Variants in SLC25A21 observed in about 807,000 individuals in gnomAD.
SLC25A21 encodes the protein mitochondrial 2-oxodicarboxylate carrier.
SLC25A21 carries 47 observed loss-of-function variants against 43.8 expected under a neutral mutation model. That is an observed-to-expected ratio of 1.07 (90% confidence interval 0.85 to 1.37). The LOEUF (loss-of-function observed/expected upper bound fraction) is 1.37, where lower values mean the gene tolerates loss of function less well. SLC25A21 is among the 40% of genes most tolerant of loss of function. The probability of loss-of-function intolerance (pLI) is 0.00; values close to 1 mark genes in which losing one functional copy is unlikely to be tolerated. For synonymous variants in SLC25A21, 131 were observed against 121.3 expected (o/e 1.08, Z -0.52); for missense variants, 352 against 350.2 (o/e 1.00, Z -0.04).
intron 3 of SLC25A21, among the ~76,000 whole-genome samples, chr14:36,769,828 T>G (rs141177266): frequency 1.3e-3 from 193 of 152,348 alleles, no homozygotes; most frequent in African/African-American, 4.5e-3. Context: ...TTTACATTTC[T>G]TTAATTAAGA....
intron 1 of SLC25A21, among the ~76,000 whole-genome samples, chr14:37,018,983 C>T (rs10140136): frequency 9.2e-5 from 14 of 151,768 alleles, no homozygotes; most frequent in South Asian, 4.1e-4. Flanking sequence ...ACAGTTTGAA[C>T]GTTATGTCTT....
At chr14:36,714,778 C>A (rs904478203) in intron 6 of SLC25A21, among the ~76,000 whole-genome samples, 2 of 152,168 alleles carry the variant, frequency 1.3e-5, no homozygotes, top group Non-Finnish European at 2.9e-5. Flanking sequence ...CCCTATTTGG[C>A]AGATAAGGAA....
chr14:37,046,073 A>G (rs7142225), intron 1 of SLC25A21, among the ~76,000 whole-genome samples: 73,672 of 152,110 alleles, frequency 0.48, 20,821 homozygotes, highest in African/African-American at 0.8. Context: ...TCCTCATTTT[A>G]CAAATAAGGC....
At chr14:36,920,117 C>T (rs746470260) in intron 1 of SLC25A21, among the ~76,000 whole-genome samples, 2 of 152,014 alleles carry the variant, frequency 1.3e-5, no homozygotes, top group Non-Finnish European at 2.9e-5. Flanking sequence ...ACATTTCTTC[C>T]AGATGCTGTG....
At chr14:36,935,854 CAT>C (rs764441365) in intron 1 of SLC25A21, among the ~76,000 whole-genome samples, 27 of 152,122 alleles carry the variant, frequency 1.8e-4, no homozygotes, top group Non-Finnish European at 2.8e-4. Flanking sequence ...AATACAATAA[CAT>C]ATTTTTAAAA....
At chr14:37,147,649 T>TTTTA (rs1555349959) in intron 1 of SLC25A21, among the ~76,000 whole-genome samples, 13 of 146,878 alleles carry the variant, frequency 8.9e-5, no homozygotes, top group Admixed American at 2.0e-4. Flanking sequence ...TTTTTTTTTT[T>TTTTA]AAAAAAAAGG....
At position 36,970,519 on chromosome 14, in the gene SLC25A21, C is replaced by T. The variant is rs140702788; in HGVS notation, c.71-95515G>A. Among the ~76,000 whole-genome samples the T allele has an allele frequency of 9.6e-3, 1,453 of 152,114 alleles. 19 individuals carry two copies. The highest frequency in any genetic ancestry group is 0.043 in the South Asian group (208 of 4,816). Reference sequence around the variant, plus strand: ...TAACTAATTATGAACTAATATGAAACAATAACTAGAGGGAATTAAGTCAAC... The same window carrying T: ...TAACTAATTATGAACTAATATGAAATAATAACTAGAGGGAATTAAGTCAAC... On this transcript the variant is annotated intron_variant, in intron 1 of 9. Transcript: ENST00000331299.
At chr14:36,867,887 T>G (rs2138543389) in intron 2 of SLC25A21, among the ~76,000 whole-genome samples, 1 of 151,832 alleles carries the variant, frequency 6.6e-6, no homozygotes, top group South Asian at 2.1e-4. Flanking sequence ...ATGAGGAAAC[T>G]AAGGCACAGA....
chr14:36,689,561 C>T (rs1342623321), intron 7 of SLC25A21, among the ~76,000 whole-genome samples: 2 of 152,162 alleles, frequency 1.3e-5, no homozygotes, highest in African/African-American at 2.4e-5. Flanking sequence ...CCCTAATTTC[C>T]ACAGGGGTTC....
intron 3 of SLC25A21, among the ~76,000 whole-genome samples, chr14:36,747,236 G>A (rs1485490442): frequency 6.6e-6 from 1 of 152,060 alleles, no homozygotes; most frequent in African/African-American, 2.4e-5. Context: ...GTATTAATTT[G>A]ATGTTATTTG....
At chr14:36,879,481 G>A (rs1218844260) in intron 1 of SLC25A21, among the ~76,000 whole-genome samples, 1 of 152,086 alleles carries the variant, frequency 6.6e-6, no homozygotes. Context: ...CATTGTTTCT[G>A]CAGATTCATG....
intron 1 of SLC25A21, among the ~76,000 whole-genome samples, chr14:36,988,422 T>C (rs1960192342): frequency 6.6e-6 from 1 of 152,314 alleles, no homozygotes; most frequent in African/African-American, 2.4e-5. Flanking sequence ...AACGCTTGCA[T>C]GGTTGTAATC....
At chr14:36,759,431 T>C (rs532527172) in intron 3 of SLC25A21, among the ~76,000 whole-genome samples, 191 of 152,334 alleles carry the variant, frequency 1.3e-3, no homozygotes, top group African/African-American at 4.3e-3. Flanking sequence ...TGTGCTGACA[T>C]AGAAATGCTT....
intron 2 of SLC25A21, among the ~76,000 whole-genome samples, chr14:36,855,059 T>C (rs948439911): frequency 3.3e-5 from 5 of 152,140 alleles, no homozygotes; most frequent in Admixed American, 2.6e-4. Flanking sequence ...GTTTGCATTA[T>C]ATTATCATCA....
chr14:36,687,781 C>A (rs2139145674), intron 7 of SLC25A21, among the ~76,000 whole-genome samples: 1 of 152,322 alleles, frequency 6.6e-6, no homozygotes, highest in Non-Finnish European at 1.5e-5. Context: ...CCACTGCCAC[C>A]TCTCTGGCTT....
intron 8 of SLC25A21, 83 bp from the exon 9 acceptor site, chr14:36,683,963 G>A: frequency 2.1e-6 from 2 of 947,818 alleles, no homozygotes; most frequent in Non-Finnish European, 3.2e-6. Flanking sequence ...TAGGGACCCA[G>A]CATTTAAAAA....
intron 1 of SLC25A21, among the ~76,000 whole-genome samples, chr14:37,086,160 G>GT (rs754163767): frequency 6.6e-5 from 10 of 151,714 alleles, no homozygotes; most frequent in Non-Finnish European, 1.3e-4. Context: ...GGGGCCTGGG[G>GT]TTTTTTTTAT....
chr14:37,064,334 C>T (rs1348392111), intron 1 of SLC25A21, among the ~76,000 whole-genome samples: 5 of 152,134 alleles, frequency 3.3e-5, no homozygotes, highest in African/African-American at 1.2e-4. Flanking sequence ...ACCCATATCC[C>T]AGGGTCTCCA....
At chr14:36,957,180 T>G (rs1459179928) in intron 1 of SLC25A21, among the ~76,000 whole-genome samples, 1 of 152,334 alleles carries the variant, frequency 6.6e-6, no homozygotes, top group Admixed American at 6.5e-5. Context: ...CCCCCTGCCC[T>G]TCTTTCCTCC....
Sources: allele counts gnomAD v4.1 joint callset (sites outside exome capture counted in the v4.1 genomes callset), GRCh38; gene constraint gnomAD v4.1.1; transcripts MANE v1.5; gene names NCBI Gene and HGNC (gene_info 2026-07-23, HGNC 2026-07-21).